OSBPL10: variants seen among roughly 807,000 people sequenced by gnomAD.
OSBPL10 encodes the protein oxysterol binding protein like 10, also known as oxysterol-binding protein-related protein 10.
OSBPL10 carries 49 observed loss-of-function variants against 81.7 expected under a neutral mutation model. The ratio of observed to expected loss-of-function variants is 0.60; its 90% CI spans 0.48 to 0.76. The LOEUF (loss-of-function observed/expected upper bound fraction) is 0.76, where lower values mean the gene tolerates loss of function less well. OSBPL10 is among the 30% of genes least tolerant of loss of function. The pLI is 0.00. For synonymous variants in OSBPL10, 419 were observed against 383.6 expected (o/e 1.09, Z -1.08); for missense variants, 923 against 987.8 (o/e 0.93, Z 0.88).
chr3:31,707,844 C>A (rs1048681052), intron 6 of OSBPL10, among the ~76,000 whole-genome samples: 1 of 152,088 alleles, frequency 6.6e-6, no homozygotes, highest in Non-Finnish European at 1.5e-5. Context: ...CTTATGTTTT[C>A]TAGGGGAAAA....
chr3:31,951,910 G>GA (rs1697881125), intron 1 of OSBPL10, among the ~76,000 whole-genome samples: 1 of 151,996 alleles, frequency 6.6e-6, no homozygotes, highest in South Asian at 2.1e-4. Flanking sequence ...CACCAGCGAA[G>GA]AAAAAAATTA....
At chr3:31,979,627 C>T (rs957881804) in intron 1 of OSBPL10, among the ~76,000 whole-genome samples, 1 of 152,180 alleles carries the variant, frequency 6.6e-6, no homozygotes. Context: ...GACAAAATAT[C>T]CCACCAACCA....
At position 31,965,497 on chromosome 3, in the gene OSBPL10, A is replaced by T. The variant is rs1165668288; in HGVS notation, c.281+15402T>A. ...TATTATATATTATCTATTTTATATA[A>T]TATATAAAATAGATAATATATAAAC... On this transcript the variant is annotated intron_variant, in intron 1 of 11. Coordinates refer to ENST00000396556, the MANE Select transcript of OSBPL10 (RefSeq NM_017784.5). Among the ~76,000 whole-genome samples the T allele has an allele frequency of 6.3e-5, 6 of 95,064 alleles. 1 individual carries two copies. The highest frequency in any genetic ancestry group is 1.1e-4 in the Non-Finnish European group (6 of 52,226). The allele number at this position is 95,064 out of a possible 152,430, so 62.4% of individuals were successfully genotyped here. A position where few individuals can be genotyped will look rare whatever the true frequency, so the allele number is the denominator to read the frequency against.
intron 4 of OSBPL10, among the ~76,000 whole-genome samples, chr3:31,785,636 G>GT (rs200858175): frequency 1.2e-3 from 176 of 151,558 alleles, no homozygotes; most frequent in African/African-American, 3.8e-3. Context: ...TCTCTGAGCC[G>GT]TTTTTTTTTC....
chr3:32,030,372 C>T (rs1421432460), intron 2 of OSBPL10: 2 of 570,686 alleles, frequency 3.5e-6, no homozygotes, highest in Non-Finnish European at 6.5e-6. Context: ...GGCACCATGG[C>T]TAAACTGGAA....
At chr3:31,892,471 T>G (rs149297967) in intron 1 of OSBPL10, among the ~76,000 whole-genome samples, 1 of 152,044 alleles carries the variant, frequency 6.6e-6, no homozygotes, top group African/African-American at 2.4e-5. Context: ...GAAAGGCGGC[T>G]GCAGAGACTC....
chr3:31,733,514 G>T, intron 5 of OSBPL10, 103 bp from the exon 6 acceptor site: 3 of 1,430,750 alleles, frequency 2.1e-6, no homozygotes, highest in Non-Finnish European at 2.9e-6. Context: ...CTTGAAAAGG[G>T]CATGAGGTAA....
chr3:31,810,056 A>T (rs1443188092), intron 4 of OSBPL10, among the ~76,000 whole-genome samples: 1 of 151,972 alleles, frequency 6.6e-6, no homozygotes, highest in Non-Finnish European at 1.5e-5. Flanking sequence ...TCTTTGATAG[A>T]GACAGGGTCT....
chr3:31,775,519 G>A (rs1191385546), intron 4 of OSBPL10, among the ~76,000 whole-genome samples: 1 of 152,088 alleles, frequency 6.6e-6, no homozygotes, highest in Admixed American at 6.6e-5. Flanking sequence ...TAATGTTAAA[G>A]TCACAGGTCT....
chr3:31,885,995 CAAAAAAAAA>C (rs397957994), intron 1 of OSBPL10, among the ~76,000 whole-genome samples: 2 of 62,538 alleles, frequency 3.2e-5, no homozygotes, highest in South Asian at 1.9e-3. Context: ...AACTCCATCT[CAAAAAAAAA>C]AAAAAAAAAA....
chr3:31,962,635 T>C (rs1230973080), intron 1 of OSBPL10, among the ~76,000 whole-genome samples: 1 of 152,156 alleles, frequency 6.6e-6, no homozygotes, highest in Non-Finnish European at 1.5e-5. Context: ...GCAAGAAATG[T>C]ACAGTTAGGG....
rs529381536 is a variant in OSBPL10 at position 32,042,854 on chromosome 3, A to C, written n.298+3637T>G. Reference sequence around the variant, plus strand: ...GAGGAAACAGGACAAGGACAAAATCAGAAACTCCTGATAAGGGTCCAAAGA... The same window carrying C: ...GAGGAAACAGGACAAGGACAAAATCCGAAACTCCTGATAAGGGTCCAAAGA... On this transcript the variant is annotated intron_variant and non_coding_transcript_variant, in intron 2 of 3. Transcript: ENST00000479173. Among the ~76,000 whole-genome samples, 7 of 152,362 alleles carry C rather than the reference A, an allele frequency of 4.6e-5. No homozygotes were observed. In the East Asian group the frequency reaches 9.6e-4, roughly 21 times the overall value.
intron 10 of OSBPL10, among the ~76,000 whole-genome samples, chr3:31,667,059 A>C (rs1700209385): frequency 6.6e-6 from 1 of 152,228 alleles, no homozygotes; most frequent in Admixed American, 6.5e-5. Flanking sequence ...AGCAACAAAG[A>C]GTCTTAATAA....
intron 1 of OSBPL10, among the ~76,000 whole-genome samples, chr3:31,957,983 G>C (rs1208903069): frequency 1.3e-5 from 2 of 152,162 alleles, no homozygotes; most frequent in Non-Finnish European, 1.5e-5. Flanking sequence ...ACATTGTATA[G>C]AGTGACACTG....
At chr3:32,073,745 A>G (rs1699852569) in intron 1 of OSBPL10, among the ~76,000 whole-genome samples, 1 of 152,042 alleles carries the variant, frequency 6.6e-6, no homozygotes, top group Non-Finnish European at 1.5e-5. Context: ...AACTACTCAT[A>G]AATGACCTGC....
intron 1 of OSBPL10, among the ~76,000 whole-genome samples, chr3:32,051,719 C>A (rs1298412045): frequency 2.6e-5 from 4 of 152,092 alleles, no homozygotes; most frequent in African/African-American, 9.7e-5. Context: ...AGCCAGTAAT[C>A]CAACTAAGAA....
At chr3:31,817,056 G>A (rs978155465) in intron 4 of OSBPL10, among the ~76,000 whole-genome samples, 4 of 152,128 alleles carry the variant, frequency 2.6e-5, no homozygotes, top group African/African-American at 7.2e-5. Flanking sequence ...TCCCTGCTCT[G>A]GCTGAGCCCA....
At chr3:31,709,118 A>G in intron 6 of OSBPL10, 1 of 821,236 alleles carries the variant, frequency 1.2e-6, no homozygotes, top group Non-Finnish European at 1.5e-6. Flanking sequence ...GCTGGATCTT[A>G]TCCTTGACAG....
upstream of OSBPL10, among the ~76,000 whole-genome samples, chr3:31,982,898 T>C (rs925772902): frequency 6.6e-6 from 1 of 152,228 alleles, no homozygotes; most frequent in African/African-American, 2.4e-5. Context: ...ATGGAATTGC[T>C]TTGAGCAATG....
Sources: allele counts gnomAD v4.1 joint callset (sites outside exome capture counted in the v4.1 genomes callset), GRCh38; gene constraint gnomAD v4.1.1; transcripts MANE v1.5; gene names NCBI Gene and HGNC (gene_info 2026-07-23, HGNC 2026-07-21).